The following CFAP299 variants were observed in gnomAD, a reference collection of about 807,000 sequenced individuals.
The protein encoded by CFAP299 is cilia- and flagella-associated protein 299.
Under a neutral mutation model 27.0 loss-of-function variants are expected in CFAP299, and 21 were observed. That is an observed-to-expected ratio of 0.78 (90% CI 0.55 to 1.12). CFAP299 has a LOEUF of 1.12. CFAP299 is among the 50% of genes most tolerant of loss of function. The probability of loss-of-function intolerance (pLI) is 0.00; values close to 1 mark genes in which losing one functional copy is unlikely to be tolerated. For synonymous variants in CFAP299, 104 were observed against 98.1 expected, an observed-to-expected ratio of 1.06 and a Z score of -0.36; for missense variants, 310 against 276.6, an observed-to-expected ratio of 1.12 and a Z score of -0.86.
chr4:80,757,906 C>A (rs554444986), intron 3 of CFAP299, among the ~76,000 whole-genome samples: 3 of 152,244 alleles, frequency 2.0e-5, no homozygotes, highest in East Asian at 3.9e-4. Flanking sequence ...TGTTCTACCC[C>A]TTGCGGGAGG....
chr4:80,692,371 A>T (rs1720776107), intron 3 of CFAP299, among the ~76,000 whole-genome samples: 1 of 152,202 alleles, frequency 6.6e-6, no homozygotes, highest in East Asian at 1.9e-4. Context: ...AACAGAACAG[A>T]GCCCTCAGAA....
intron 2 of CFAP299, among the ~76,000 whole-genome samples, chr4:80,479,505 T>C (rs1406631509): frequency 6.6e-6 from 1 of 152,016 alleles, no homozygotes; most frequent in Non-Finnish European, 1.5e-5. Context: ...CACTTTTTTA[T>C]ATTATGTGAA....
chr4:80,736,802 C>A (rs1441171873), intron 3 of CFAP299, among the ~76,000 whole-genome samples: 1 of 152,164 alleles, frequency 6.6e-6, no homozygotes, highest in African/African-American at 2.4e-5. Flanking sequence ...ACCCAGCCAT[C>A]CCATTACTGG....
intron 3 of CFAP299, among the ~76,000 whole-genome samples, chr4:80,634,166 T>C (rs2109951300): frequency 6.6e-6 from 1 of 151,954 alleles, no homozygotes. Context: ...GTATTTTTAG[T>C]AGAGATGGGG....
intron 3 of CFAP299, among the ~76,000 whole-genome samples, chr4:80,601,721 A>G (rs1737361651): frequency 6.6e-6 from 1 of 152,172 alleles, no homozygotes; most frequent in South Asian, 2.1e-4. Flanking sequence ...CGGGTGAGAT[A>G]AGCATGGATC....
chr4:80,833,609 T>C (rs766805345), intron 3 of CFAP299, among the ~76,000 whole-genome samples: 12 of 152,150 alleles, frequency 7.9e-5, no homozygotes, highest in South Asian at 2.1e-4. Context: ...AAATTATAAC[T>C]GGGGATTTTC....
chr4:80,334,676 A>G (rs1383647573), upstream of CFAP299, among the ~76,000 whole-genome samples: 1 of 152,222 alleles, frequency 6.6e-6, no homozygotes, highest in Non-Finnish European at 1.5e-5. Flanking sequence ...CTTTAAAAAC[A>G]TGTCAGAATA....
chr4:80,808,040 A>AG (rs70956065), intron 3 of CFAP299, among the ~76,000 whole-genome samples: 11,742 of 151,990 alleles, frequency 0.077, 529 homozygotes, highest in African/African-American at 0.1. Context: ...TAAAAAAAAA[A>AG]CAAAGGGGAA....
intron 3 of CFAP299, among the ~76,000 whole-genome samples, chr4:80,830,779 T>C (rs1386508203): frequency 1.3e-5 from 2 of 151,998 alleles, no homozygotes; most frequent in Non-Finnish European, 2.9e-5. Flanking sequence ...GCAACAAGAA[T>C]GGATACAAAT....
chr4:80,757,728 G>T (rs538610345), intron 3 of CFAP299, among the ~76,000 whole-genome samples: 2 of 150,722 alleles, frequency 1.3e-5, no homozygotes, highest in Admixed American at 6.6e-5. Context: ...TGTTTGTTTG[G>T]TTTGGTTTTT....
intron 2 of CFAP299, among the ~76,000 whole-genome samples, chr4:80,397,556 G>C (rs1235976782): frequency 6.6e-6 from 1 of 152,100 alleles, no homozygotes; most frequent in East Asian, 1.9e-4. Context: ...CTTTAAATGT[G>C]TCCCAGAGAT....
chr4:80,523,183 T>A (rs1733006014), intron 2 of CFAP299, among the ~76,000 whole-genome samples: 2 of 152,160 alleles, frequency 1.3e-5, no homozygotes, highest in African/African-American at 4.8e-5. Flanking sequence ...TAGTTTTCAT[T>A]ATACAGATCA....
intron 2 of CFAP299, among the ~76,000 whole-genome samples, chr4:80,547,738 AG>A (rs369342454): frequency 1.3e-5 from 2 of 152,124 alleles, no homozygotes; most frequent in African/African-American, 4.8e-5. Flanking sequence ...CATATCTCAA[AG>A]AAAAAGACAT....
intron 2 of CFAP299, among the ~76,000 whole-genome samples, chr4:80,536,436 G>A (rs1578567208): frequency 6.6e-6 from 1 of 152,086 alleles, no homozygotes; most frequent in African/African-American, 2.4e-5. Context: ...AACAAAGCTG[G>A]AGGCGTCACA....
At chr4:80,788,205 A>G (rs547045094) in intron 3 of CFAP299, among the ~76,000 whole-genome samples, 10 of 152,118 alleles carry the variant, frequency 6.6e-5, no homozygotes, top group Middle Eastern at 3.4e-3. Context: ...TCAAATGTGA[A>G]CTCATTGAAG....
intron 2 of CFAP299, among the ~76,000 whole-genome samples, chr4:80,425,138 G>A (rs1170275376): frequency 6.6e-6 from 1 of 152,190 alleles, no homozygotes; most frequent in Non-Finnish European, 1.5e-5. Flanking sequence ...CAATGCAACA[G>A]TGTTGGAAGG....
intron 3 of CFAP299, among the ~76,000 whole-genome samples, chr4:80,718,625 T>G (rs1215864830): frequency 1.3e-5 from 2 of 152,016 alleles, no homozygotes; most frequent in African/African-American, 2.4e-5. Context: ...AGGTCACAAA[T>G]AAAGCATCAG....
At chr4:80,881,440 C>T (rs908742207) in intron 4 of CFAP299, among the ~76,000 whole-genome samples, 1 of 152,162 alleles carries the variant, frequency 6.6e-6, no homozygotes, top group Non-Finnish European at 1.5e-5. Context: ...AGACAAACAT[C>T]GTCTTATAGC....
At chr4:80,716,718 C>T (rs1157246394) in intron 3 of CFAP299, among the ~76,000 whole-genome samples, 1 of 152,030 alleles carries the variant, frequency 6.6e-6, no homozygotes, top group Non-Finnish European at 1.5e-5. Context: ...TGTCTTTTAT[C>T]GTGGTACATA....
Sources: gnomAD v4.1 joint callset for allele counts (sites outside exome capture counted in the v4.1 genomes callset) on GRCh38, gnomAD v4.1.1 for gene constraint, MANE v1.5 for transcripts, NCBI Gene and HGNC (gene_info 2026-07-23, HGNC 2026-07-21) for gene names.